OIP5: variants seen among roughly 807,000 people sequenced by gnomAD.
OIP5 encodes Opa interacting protein 5, also known as protein Mis18-beta.
OIP5 carries 24 observed loss-of-function variants against 20.3 expected under a neutral mutation model. The ratio of observed to expected loss-of-function variants is 1.18; its 90% CI spans 0.86 to 1.66. OIP5 has a LOEUF of 1.66. OIP5 is among the 40% of genes most tolerant of loss of function. The pLI is 0.00. For missense variants in OIP5, 339 were observed against 289.5 expected, an observed-to-expected ratio of 1.17 and a Z score of -1.24; for synonymous variants, 143 against 121.3, an observed-to-expected ratio of 1.18 and a Z score of -1.17.
At chr15:41,325,577 G>A (rs529631046) in intron 2 of OIP5, among the ~76,000 whole-genome samples, 208 of 148,460 alleles carry the variant, frequency 1.4e-3, no homozygotes, top group African/African-American at 5.0e-3. Flanking sequence ...TGGGCTGGGC[G>A]CAGTGGCTCA....
At chr15:41,330,326 C>T (rs966179387) in intron 2 of OIP5, among the ~76,000 whole-genome samples, 2 of 151,736 alleles carry the variant, frequency 1.3e-5, no homozygotes, top group African/African-American at 2.4e-5. Flanking sequence ...CTCGAACTCC[C>T]GACCTCTGGT....
At position 41,316,730 on chromosome 15, in the gene OIP5, C is replaced by A. The variant is rs987447321; in HGVS notation, c.512+2928G>T. On this transcript the variant is annotated intron_variant, in intron 3 of 4. Transcript: ENST00000220514. ...GTGTGAACCCAGGGGGTGAAGCTTA[C>A]AGTGAACCAAGATCACGTCACTGCA... is the stretch of plus-strand genomic sequence containing the variant. Among the ~76,000 whole-genome samples the A allele has an allele frequency of 1.2e-4, 16 of 129,238 alleles. No homozygotes were observed. In the Admixed American group the frequency reaches 1.6e-3, roughly 13 times the overall value. 84.8% of individuals were successfully genotyped at this position (129,238 alleles called of 152,430 possible).
At chr15:41,315,531 G>A (rs2047784323) in intron 3 of OIP5, among the ~76,000 whole-genome samples, 1 of 151,982 alleles carries the variant, frequency 6.6e-6, no homozygotes, top group Non-Finnish European at 1.5e-5. Flanking sequence ...ATCATCAATA[G>A]ATGTAATGAC....
rs775694150 is a variant in OIP5 at position 41,309,772 on chromosome 15, C to A, written c.672G>T (p.Gln224His). Residue 224 changes from glutamine (Q) to histidine (H), a missense_variant, in exon 5 of 5, where the codon CAG (glutamine) becomes CAT (histidine). Transcript: ENST00000220514. ...MKILSEVTPDQSKPEN is the reference protein window; with the variant it reads ...MKILSEVTPDHSKPEN ...TACAGGATCAGTTTTCTGGCTTGGACTGGTCAGGAGTCACTTCACTCAGAA... is the reference window on the plus strand; with the variant it reads ...TACAGGATCAGTTTTCTGGCTTGGAATGGTCAGGAGTCACTTCACTCAGAA... The A allele has an allele frequency of 3.8e-5, 61 of 1,613,246 alleles. No homozygotes were observed. The Admixed American group carries it at 4.2e-4, about 11-fold the overall frequency.
chr15:41,326,341 A>G (rs2047861585), intron 2 of OIP5, among the ~76,000 whole-genome samples: 1 of 152,184 alleles, frequency 6.6e-6, no homozygotes. Context: ...ATTTATCCTA[A>G]GTTGACCACT....
intron 3 of OIP5, 45 bp from the exon 4 acceptor site, chr15:41,313,399 G>A (rs555572581): frequency 9.3e-7 from 1 of 1,075,282 alleles, no homozygotes; most frequent in Non-Finnish European, 1.4e-6. Flanking sequence ...CCATGGTTAA[G>A]ATTATAAAAG....
chr15:41,318,055 G>C (rs1032959962), intron 3 of OIP5, among the ~76,000 whole-genome samples: 1 of 152,090 alleles, frequency 6.6e-6, no homozygotes, highest in African/African-American at 2.4e-5. Flanking sequence ...AAATATACAA[G>C]GCCCCACCTA....
intron 2 of OIP5, among the ~76,000 whole-genome samples, chr15:41,321,140 C>G (rs1205620746): frequency 1.3e-5 from 2 of 151,550 alleles, no homozygotes; most frequent in Non-Finnish European, 1.5e-5. Flanking sequence ...GCCACCCTGT[C>G]GGGGAGGGAG....
intron 2 of OIP5, among the ~76,000 whole-genome samples, chr15:41,324,740 C>T (rs2047851309): frequency 1.3e-5 from 2 of 152,014 alleles, no homozygotes; most frequent in African/African-American, 4.8e-5. Context: ...CCACCCGCCT[C>T]AGTCTCCCAA....
intron 2 of OIP5, among the ~76,000 whole-genome samples, chr15:41,320,047 C>T (rs1353395546): frequency 3.9e-5 from 6 of 152,144 alleles, no homozygotes; most frequent in African/African-American, 1.4e-4. Flanking sequence ...GTAATTTACC[C>T]CTAATAAACA....
At chr15:41,310,663 G>T (rs1377081804) in intron 4 of OIP5, among the ~76,000 whole-genome samples, 3 of 150,566 alleles carry the variant, frequency 2.0e-5, no homozygotes, top group African/African-American at 7.3e-5. Flanking sequence ...CAGATGTAAA[G>T]TTTCGTGTGA....
At chr15:41,314,224 C>G (rs1417207467) in intron 3 of OIP5, among the ~76,000 whole-genome samples, 1 of 152,124 alleles carries the variant, frequency 6.6e-6, no homozygotes, top group Non-Finnish European at 1.5e-5. Flanking sequence ...GCCGCAGCCT[C>G]CCGAGTAGCT....
intron 2 of OIP5, among the ~76,000 whole-genome samples, chr15:41,324,333 C>A (rs913402415): frequency 2.0e-5 from 3 of 152,058 alleles, no homozygotes; most frequent in Non-Finnish European, 4.4e-5. Context: ...AGCTTCCTCA[C>A]CTCTCAGCCT....
intron 2 of OIP5, among the ~76,000 whole-genome samples, chr15:41,326,687 A>C (rs2047863921): frequency 6.6e-6 from 1 of 152,102 alleles, no homozygotes; most frequent in African/African-American, 2.4e-5. Context: ...AGGCCTTCCA[A>C]AGTGCCGGCA....
chr15:41,312,959 A>G (rs1418036719), intron 4 of OIP5, among the ~76,000 whole-genome samples: 1 of 152,152 alleles, frequency 6.6e-6, no homozygotes, highest in Non-Finnish European at 1.5e-5. Flanking sequence ...CATCACTCTT[A>G]TGTCTGAGAC....
At chr15:41,319,581 A>G (rs765459253) in intron 3 of OIP5, 77 bp downstream of exon 3, 7 of 1,478,394 alleles carry the variant, frequency 4.7e-6, no homozygotes, top group Non-Finnish European at 6.4e-6. Context: ...AAAACCTTTT[A>G]AAATTTATTT....
intron 2 of OIP5, among the ~76,000 whole-genome samples, chr15:41,320,357 C>T (rs929105659): frequency 1.1e-4 from 16 of 151,138 alleles, no homozygotes; most frequent in Non-Finnish European, 2.1e-4. Flanking sequence ...GCTGCCATCT[C>T]GGCTCACTGC....
chr15:41,323,898 T>TA (rs1434306494), intron 2 of OIP5, among the ~76,000 whole-genome samples: 1 of 152,142 alleles, frequency 6.6e-6, no homozygotes, highest in Non-Finnish European at 1.5e-5. Context: ...TCATTTTCTG[T>TA]AGCTTCTGCA....
rs1180292717 is a variant in OIP5 at position 41,331,936 on chromosome 15, A to G, written c.368T>C (p.Ile123Thr). ...GTACCTGCCTTTGAGTGAACCTTCAATGCCAACTAGGAAGGGCGCTTCCAA... is the reference window on the plus strand; with the variant it reads ...GTACCTGCCTTTGAGTGAACCTTCAGTGCCAACTAGGAAGGGCGCTTCCAA... ...VVLEAPFLVGIEGSLKGSTYN... is the reference protein window; with the variant it reads ...VVLEAPFLVGTEGSLKGSTYN... The change falls in exon 2 of 5, where the codon ATT (isoleucine) becomes ACT (threonine). Residue 123 changes from isoleucine to threonine, a missense_variant. Coordinates refer to ENST00000220514, the MANE Select transcript of OIP5 (RefSeq NM_007280.2). 3 of 1,613,950 alleles carry G rather than the reference A, an allele frequency of 1.9e-6. No individual in the cohort carries two copies. The African/African-American group carries it at 4.0e-5, about 22-fold the overall frequency.
Sources: gnomAD v4.1 joint callset for allele counts (sites outside exome capture counted in the v4.1 genomes callset) on GRCh38, gnomAD v4.1.1 for gene constraint, MANE v1.5 for transcripts, NCBI Gene and HGNC (gene_info 2026-07-23, HGNC 2026-07-21) for gene names.